The following RNF13 variants were observed in gnomAD, a reference collection of about 807,000 sequenced individuals.
The protein encoded by RNF13 is E3 ubiquitin-protein ligase RNF13.
A neutral mutation model predicts 37.7 loss-of-function variants in RNF13; 19 were observed. That is an observed-to-expected ratio of 0.50 (90% CI 0.35 to 0.74). The LOEUF (loss-of-function observed/expected upper bound fraction) is 0.74. Among genes scored for constraint, RNF13 ranks in the 30% least tolerant of loss-of-function variants. The pLI, the probability that RNF13 is intolerant of heterozygous loss-of-function variation, is 0.01. For missense variants in RNF13, 375 were observed against 453.0 expected (o/e 0.83, Z 1.56); for synonymous variants, 144 against 157.8 (o/e 0.91, Z 0.65).
At chr3:149,899,875 T>C (rs562506385) in intron 5 of RNF13, among the ~76,000 whole-genome samples, 1 of 152,334 alleles carries the variant, frequency 6.6e-6, no homozygotes, top group Admixed American at 6.5e-5. Flanking sequence ...GAAACTTTGT[T>C]TGAAACATGT....
intron 4 of RNF13, among the ~76,000 whole-genome samples, chr3:149,881,055 A>G (rs1713340617): frequency 6.6e-6 from 1 of 152,226 alleles, no homozygotes; most frequent in Non-Finnish European, 1.5e-5. Flanking sequence ...TTTATTAAAA[A>G]ATAAAATTCA....
At position 149,839,633 on chromosome 3, in the gene RNF13, G is replaced by A. The variant is rs767250000; in HGVS notation, c.-16-6378G>A. ...ACTCTCATGAGAATAGCATGGGAAA[G>A]ACCTGCCCCCATGATTCAATTAACC... On this transcript the variant is annotated intron_variant, in intron 1 of 9. Coordinates refer to ENST00000392894, the MANE Select transcript of RNF13 (RefSeq NM_183381.3). 1.9e-3 allele frequency among the ~76,000 whole-genome samples: 285 copies of A among 152,208 alleles called. 1 individual carries two copies. The highest frequency in any genetic ancestry group is 3.4e-3 in the Non-Finnish European group (233 of 68,016).
rs748008597 is a variant in RNF13, at chr3:149,902,149, AC to A, written c.488del (p.Thr163AsnfsTer10). ...AGCTAATTCTCTGAAAGATGAATTC[AC>A]ATATGAAAAAGGGTAAGTAATGGAT... is the stretch of plus-strand genomic sequence containing the variant. Reference protein sequence around the residue: ...SSANSLKDEFTYEKGGHLILV... With the variant: ...SSANSLKDEFXYEKGGHLILV... On this transcript the variant is annotated frameshift_variant, in exon 6 of 10. Transcript: ENST00000392894. LOFTEE classifies it high-confidence loss of function. The A allele has an allele frequency of 2.7e-6, 4 of 1,497,676 alleles. No homozygotes were observed. The South Asian group carries it at 5.2e-5, about 19-fold the overall frequency. The allele number at this position is 1,497,676 out of a possible 1,614,324, so 92.8% of individuals were successfully genotyped here.
rs547654416 is a variant in RNF13, at chr3:149,908,870, G to A, written c.501-3108G>A. 1.5e-4 allele frequency among the ~76,000 whole-genome samples: 23 copies of A among 152,286 alleles called. No individual in the cohort carries two copies. The East Asian group carries it at 4.2e-3, about 28-fold the overall frequency. ...TATCAAGCTTAAGCCTAGGCAGCTG[G>A]TTTGAAATTAGCCTGGGAAGTCACA... On this transcript the variant is annotated intron_variant, in intron 6 of 9. Coordinates refer to ENST00000392894, the MANE Select transcript of RNF13 (RefSeq NM_183381.3).
chr3:149,843,764 T>C (rs563081386), intron 1 of RNF13, among the ~76,000 whole-genome samples: 135 of 152,338 alleles, frequency 8.9e-4, no homozygotes, highest in Admixed American at 1.4e-3. Flanking sequence ...ACTGTTAGGT[T>C]TGAATCCTGG....
chr3:149,834,125 GAATA>G (rs1195438782), intron 1 of RNF13, among the ~76,000 whole-genome samples: 1 of 152,164 alleles, frequency 6.6e-6, no homozygotes, highest in Non-Finnish European at 1.5e-5. Context: ...ATAAATAAAT[GAATA>G]GACATTCCAT....
intron 3 of RNF13, among the ~76,000 whole-genome samples, chr3:149,860,270 A>AAAAAAATATAT (rs1302318768): frequency 9.6e-6 from 1 of 104,114 alleles, no homozygotes; most frequent in African/African-American, 4.2e-5. Context: ...AAAAAAAAAA[A>AAAAAAATATAT]ATATATATAT....
At chr3:149,942,359 C>A (rs961627689) in intron 8 of RNF13, among the ~76,000 whole-genome samples, 2 of 152,080 alleles carry the variant, frequency 1.3e-5, no homozygotes, top group African/African-American at 4.8e-5. Flanking sequence ...TTATTTCTAT[C>A]TTCTTTGATT....
chr3:149,920,113 T>C (rs1247577209), intron 7 of RNF13, among the ~76,000 whole-genome samples: 1 of 152,220 alleles, frequency 6.6e-6, no homozygotes, highest in Non-Finnish European at 1.5e-5. Flanking sequence ...TTATTGAGTT[T>C]TGAGAGGTTT....
intron 6 of RNF13, among the ~76,000 whole-genome samples, chr3:149,903,800 T>G (rs372758202): frequency 1.6e-3 from 251 of 152,328 alleles, no homozygotes; most frequent in African/African-American, 5.6e-3. Flanking sequence ...TTTTTTCATG[T>G]CAGTTCACTT....
intron 8 of RNF13, among the ~76,000 whole-genome samples, chr3:149,932,306 T>C (rs531538119): frequency 6.6e-6 from 1 of 152,270 alleles, no homozygotes; most frequent in East Asian, 1.9e-4. Flanking sequence ...CCACCAGCAG[T>C]GTACGAGTGG....
intron 8 of RNF13, among the ~76,000 whole-genome samples, chr3:149,946,628 CTTTT>C (rs200793056): frequency 0.013 from 1,934 of 152,144 alleles, 32 homozygotes; most frequent in African/African-American, 0.044. Context: ...CCTCATAATT[CTTTT>C]TATTTCTATG....
chr3:149,844,936 T>A (rs1282425585), intron 1 of RNF13, among the ~76,000 whole-genome samples: 2 of 152,092 alleles, frequency 1.3e-5, no homozygotes, highest in Non-Finnish European at 2.9e-5. Context: ...CATTTCTCAT[T>A]CCCACCTTTC....
chr3:149,820,354 G>A (rs977150225), intron 1 of RNF13, among the ~76,000 whole-genome samples: 3 of 151,726 alleles, frequency 2.0e-5, no homozygotes, highest in East Asian at 1.9e-4. Context: ...TCCCTGCCCG[G>A]GCTCTGTTTC....
chr3:149,860,359 A>C (rs1724136682), intron 3 of RNF13, among the ~76,000 whole-genome samples: 1 of 150,162 alleles, frequency 6.7e-6, no homozygotes, highest in Admixed American at 6.7e-5. Flanking sequence ...CATATTATGC[A>C]CACACATACA....
intron 8 of RNF13, chr3:149,939,743 A>G (rs1720067648): frequency 3.0e-6 from 2 of 663,232 alleles, no homozygotes; most frequent in East Asian, 3.6e-5. Context: ...TGACAACTGA[A>G]AAGATAGTTC....
intron 4 of RNF13, among the ~76,000 whole-genome samples, chr3:149,885,380 C>T (rs1457156456): frequency 6.6e-6 from 1 of 152,116 alleles, no homozygotes; most frequent in Non-Finnish European, 1.5e-5. Flanking sequence ...TCCACATACT[C>T]TCCAGCATTT....
chr3:149,862,018 A>T lies in RNF13; in HGVS notation c.195+9422A>T, dbSNP rs547917609. ...TGGGTACAACTGTGTGAACTTATGT[A>T]GACACATTCATGCCTTCATTTTATG... On this transcript the variant is annotated intron_variant, in intron 3 of 9. Transcript: ENST00000392894. Among the ~76,000 whole-genome samples the T allele has an allele frequency of 7.6e-4, 115 of 152,274 alleles. 2 individuals are homozygous for T. In the Middle Eastern group the frequency reaches 0.01, roughly 14 times the overall value.
At chr3:149,830,591 G>C (rs1456936984) in intron 1 of RNF13, among the ~76,000 whole-genome samples, 1 of 120,630 alleles carries the variant, frequency 8.3e-6, no homozygotes, top group Non-Finnish European at 1.7e-5. Flanking sequence ...ACAAAAATAC[G>C]GTTTGGAATT....
Sources: allele counts gnomAD v4.1 joint callset (sites outside exome capture counted in the v4.1 genomes callset), GRCh38; gene constraint gnomAD v4.1.1; transcripts MANE v1.5; gene names NCBI Gene and HGNC (gene_info 2026-07-23, HGNC 2026-07-21).